The following ITGAM variants were observed in gnomAD, a reference collection of about 807,000 sequenced individuals.
ITGAM encodes the protein integrin alpha-M.
In ITGAM, 79 loss-of-function variants were observed where a neutral mutation model predicts 137.5. The ratio of observed to expected loss-of-function variants is 0.57; its 90% CI spans 0.48 to 0.69. The LOEUF is 0.69. Among genes scored for constraint, ITGAM ranks in the 30% least tolerant of loss-of-function variants. ITGAM has a pLI of 0.00. For synonymous variants in ITGAM, 583 were observed against 592.3 expected (o/e 0.98, Z 0.23); for missense variants, 1,343 against 1,483.5 (o/e 0.91, Z 1.56).
chr16:31,264,372 G>C (rs1273921498), intron 2 of ITGAM, among the ~76,000 whole-genome samples: 1 of 152,038 alleles, frequency 6.6e-6, no homozygotes, highest in Non-Finnish European at 1.5e-5. Context: ...GCTTGAACCT[G>C]GGAGGCAGAG....
Position 31,324,251 on chromosome 16 carries a change from G to T in ITGAM, c.2003-148G>T, listed in dbSNP as rs1295992019. Reference sequence around the variant, plus strand: ...GAGGAAAGAAAGAAAGAAAGAAAAAGGAAGGAAGGAAGGAAAGAAGACTCA... The same window carrying T: ...GAGGAAAGAAAGAAAGAAAGAAAAATGAAGGAAGGAAGGAAAGAAGACTCA... On this transcript the variant is annotated intron_variant, in intron 16 of 29. Transcript: ENST00000544665. The surrounding 1 kb of genome is among the most constrained non-coding windows in gnomAD (Gnocchi z 4.5). The T allele has an allele frequency of 3.5e-6, 2 of 572,478 alleles. No individual in the cohort carries two copies. The highest frequency in any genetic ancestry group is 1.9e-5 in the African/African-American group (1 of 53,740). The allele number at this position is 572,478 out of a possible 1,614,324, so 35.5% of individuals were successfully genotyped here. A position where few individuals can be genotyped will look rare whatever the true frequency, so the allele number is the denominator to read the frequency against.
At chr16:31,315,507 G>C (rs2080381699) in intron 14 of ITGAM, among the ~76,000 whole-genome samples, 1 of 151,526 alleles carries the variant, frequency 6.6e-6, no homozygotes, top group South Asian at 2.1e-4. Flanking sequence ...GCCCAGGCTG[G>C]AGTGCAGTGG....
chr16:31,297,934 A>G lies in ITGAM; in HGVS notation c.1687A>G (p.Ile563Val). ...YLFHGTSGSGISPSHSQRIAG... is the reference protein window; with the variant it reads ...YLFHGTSGSGVSPSHSQRIAG... ...GTTTCACGGAACCTCAGGATCTGGC[A>G]TCAGCCCCTCCCATAGCCAGGTGAG... is the stretch of plus-strand genomic sequence containing the variant. Residue 563 changes from isoleucine (I) to valine (V), a missense_variant, in exon 14 of 30, where the codon ATC (isoleucine) becomes GTC (valine). Transcript: ENST00000544665. The G allele has an allele frequency of 1.2e-6, 2 of 1,613,868 alleles. No individual in the cohort carries two copies. Among genetic ancestry groups the G allele is most frequent in the Non-Finnish European group, 1.7e-6 (2 of 1,179,932 alleles).
At chr16:31,283,204 T>G (rs2079989499) in intron 12 of ITGAM, among the ~76,000 whole-genome samples, 1 of 152,224 alleles carries the variant, frequency 6.6e-6, no homozygotes, top group African/African-American at 2.4e-5. Context: ...GTCTTGGAGT[T>G]GCTCTTCTTG....
At chr16:31,330,698 G>GGAGA in intron 28 of ITGAM, 93 bp downstream of exon 28, 1 of 874,988 alleles carries the variant, frequency 1.1e-6, no homozygotes, top group Non-Finnish European at 1.7e-6. Flanking sequence ...AAAGAGAGAG[G>GGAGA]GAGAGAGAGA....
chr16:31,313,648 T>C (rs2080359155), intron 14 of ITGAM, among the ~76,000 whole-genome samples: 1 of 152,232 alleles, frequency 6.6e-6, no homozygotes, highest in Non-Finnish European at 1.5e-5. Context: ...TTTAGGTTGG[T>C]TCCAAGTCTT....
chr16:31,274,589 ATTTG>A (rs1311325201), intron 8 of ITGAM, among the ~76,000 whole-genome samples: 3 of 144,348 alleles, frequency 2.1e-5, no homozygotes, highest in Admixed American at 6.7e-5. Flanking sequence ...TGTAGTCTTT[ATTTG>A]TTTATTTTAT....
rs369576245 is a variant in ITGAM at position 31,330,112 on chromosome 16, G to A, written c.3008G>A (p.Arg1003His). Residue 1003 changes from arginine (R) to histidine (H), a missense_variant, in exon 26 of 30, where the codon CGC becomes CAC. Physicochemically the swap from Arg to His is conservative, Grantham distance 29. Coordinates refer to ENST00000544665, the MANE Select transcript of ITGAM (RefSeq NM_000632.4). The part of the protein sequence containing the change: ...NLSSTCHTKE[R>H]LPSHSDFLAE... ...TCGAGTACGTGCCACACCAAGGAGC[G>A]CTTGCCCTCTCACTCCGACTTTCTG... 10 of 1,613,732 alleles carry A rather than the reference G, an allele frequency of 6.2e-6. No homozygotes were observed. The highest frequency in any genetic ancestry group is 8.5e-6 in the Non-Finnish European group (10 of 1,179,786).
At chr16:31,277,082 G>C in intron 11 of ITGAM, 33 bp downstream of exon 11, 2 of 1,581,590 alleles carry the variant, frequency 1.3e-6, no homozygotes, top group Non-Finnish European at 1.7e-6. Flanking sequence ...ACTCTAAGAA[G>C]GGGTGAGGAT....
chr16:31,271,477 C>T (rs1160668394), intron 6 of ITGAM, among the ~76,000 whole-genome samples: 6 of 152,172 alleles, frequency 3.9e-5, no homozygotes, highest in Middle Eastern at 3.2e-3. Flanking sequence ...CTCAGCCTCC[C>T]GAGTAGCGGG....
At chr16:31,294,191 G>A (rs1240455289) in intron 12 of ITGAM, among the ~76,000 whole-genome samples, 1 of 152,118 alleles carries the variant, frequency 6.6e-6, no homozygotes, top group Non-Finnish European at 1.5e-5. Context: ...GGGATAGTTT[G>A]ACTTTTTTAC....
chr16:31,312,079 G>A (rs1311802219), intron 14 of ITGAM, among the ~76,000 whole-genome samples: 1 of 139,834 alleles, frequency 7.2e-6, no homozygotes, highest in African/African-American at 2.7e-5. Context: ...GGTGGGAATT[G>A]AACAATGAGA....
intron 12 of ITGAM, among the ~76,000 whole-genome samples, chr16:31,292,595 T>G (rs1417951894): frequency 6.6e-6 from 1 of 152,152 alleles, no homozygotes; most frequent in Non-Finnish European, 1.5e-5. Context: ...AGACATGATC[T>G]TGCTATTTTT....
intron 23 of ITGAM, chr16:31,328,854 G>A (rs540594931): frequency 1.1e-4 from 44 of 386,370 alleles, no homozygotes; most frequent in South Asian, 7.0e-4. Flanking sequence ...GTGCATGTGT[G>A]TGAGGGTCTA....
At position 31,328,303 on chromosome 16, in the gene ITGAM, T is replaced by C. The variant is rs928560785; in HGVS notation, c.2792+73T>C. The C allele has an allele frequency of 5.1e-6, 6 of 1,171,672 alleles. No individual in the cohort carries two copies. The East Asian group carries it at 7.0e-5, about 14-fold the overall frequency. The allele number at this position is 1,171,672 out of a possible 1,614,324, so 72.6% of individuals were successfully genotyped here. On this transcript the variant is annotated intron_variant, in intron 23 of 29. Transcript: ENST00000544665. Reference sequence around the variant, plus strand: ...ATGGCTGATTGTGCATCTGTGTGCATGAGTCTGTGCATGTGTGTGTGTGTG... The same window carrying C: ...ATGGCTGATTGTGCATCTGTGTGCACGAGTCTGTGCATGTGTGTGTGTGTG...
chr16:31,307,386 T>G (rs149366338), intron 14 of ITGAM, among the ~76,000 whole-genome samples: 1 of 152,150 alleles, frequency 6.6e-6, no homozygotes, highest in African/African-American at 2.4e-5. Context: ...TGGATTCCTA[T>G]ATATTTTGTT....
intron 12 of ITGAM, among the ~76,000 whole-genome samples, chr16:31,291,470 T>A (rs868502035): frequency 3.3e-5 from 5 of 152,158 alleles, no homozygotes; most frequent in African/African-American, 1.2e-4. Context: ...TGCATGAGGG[T>A]TCCTCTTTCT....
Position 31,331,704 on chromosome 16 carries a change from GT to G in ITGAM, c.3457del (p.Ter1153SerfsTer118). 1.2e-6 allele frequency: 2 copies of G among 1,602,402 alleles called. No homozygotes were observed. Among genetic ancestry groups the G allele is most frequent in the Non-Finnish European group, 1.7e-6 (2 of 1,174,738 alleles). ...GGGGTCCCCCGGGGGCCGAACCCCA[GT>G]AGCGGCTCCTTCCCGACAGAGCTGC... Reference protein sequence around the residue: ...EGGPPGAEPQ* With the variant: ...EGGPPGAEPQX On this transcript the variant is annotated frameshift_variant and stop_lost, in exon 30 of 30. Coordinates refer to ENST00000544665, the MANE Select transcript of ITGAM (RefSeq NM_000632.4). LOFTEE classifies it high-confidence loss of function.
At chr16:31,284,661 C>A (rs2080008494) in intron 12 of ITGAM, among the ~76,000 whole-genome samples, 1 of 152,182 alleles carries the variant, frequency 6.6e-6, no homozygotes, top group Non-Finnish European at 1.5e-5. Context: ...ATTCCCCAAC[C>A]CCTTGCACTT....
Sources: gnomAD v4.1 joint callset for allele counts (sites outside exome capture counted in the v4.1 genomes callset) on GRCh38, gnomAD v4.1.1 for gene constraint, Gnocchi (gnomAD v3.1) non-coding constraint, MANE v1.5 for transcripts, NCBI Gene and HGNC (gene_info 2026-07-23, HGNC 2026-07-21) for gene names.